LRRC37A2: variants seen among roughly 807,000 people sequenced by gnomAD.
LRRC37A2 encodes leucine-rich repeat-containing protein 37A2.
LRRC37A2 carries 9 observed loss-of-function variants against 68.8 expected under a neutral mutation model. The ratio of observed to expected loss-of-function variants is 0.13; its 90% CI spans 0.08 to 0.23. The LOEUF (loss-of-function observed/expected upper bound fraction) is 0.23. Among genes scored for constraint, LRRC37A2 ranks in the 10% least tolerant of loss-of-function variants. LRRC37A2 has a pLI of 1.00. For missense variants in LRRC37A2, 168 were observed against 950.4 expected (o/e 0.18, Z 10.82); for synonymous variants, 63 against 367.6 (o/e 0.17, Z 9.48).
At chr17:46,989,253 A>G in the LRRC37A2 span, among the ~76,000 whole-genome samples, 1 of 152,204 alleles carries the variant, frequency 6.6e-6, no homozygotes, top group Non-Finnish European at 1.5e-5. Flanking sequence ...ATAGAAACAT[A>G]TTCAGGTCAG....
chr17:46,490,444 C>G, the LRRC37A2 span, among the ~76,000 whole-genome samples: 1 of 151,026 alleles, frequency 6.6e-6, no homozygotes, highest in Non-Finnish European at 1.5e-5. Context: ...AAATTTTGGC[C>G]AGGCATGGTG....
chr17:46,782,579 C>T, the LRRC37A2 span, among the ~76,000 whole-genome samples: 1 of 152,242 alleles, frequency 6.6e-6, no homozygotes, highest in Non-Finnish European at 1.5e-5. Context: ...TCTACCTTTC[C>T]ACTTAGGTCA....
At chr17:46,824,701 C>T in the LRRC37A2 span, among the ~76,000 whole-genome samples, 19 of 152,372 alleles carry the variant, frequency 1.2e-4, no homozygotes, top group Admixed American at 8.5e-4. Context: ...CTCGAAAACA[C>T]TGTTGATGAT....
At chr17:46,892,775 A>T in the LRRC37A2 span, among the ~76,000 whole-genome samples, 1 of 152,178 alleles carries the variant, frequency 6.6e-6, no homozygotes, top group African/African-American at 2.4e-5. Flanking sequence ...TGGACAAAAA[A>T]AGGCATGGTC....
chr17:46,880,347 A>G, the LRRC37A2 span, among the ~76,000 whole-genome samples: 1 of 152,288 alleles, frequency 6.6e-6, no homozygotes, highest in Admixed American at 6.5e-5. Flanking sequence ...GTCTCAGGAC[A>G]CTTTAGAATA....
chr17:46,897,041 CT>C, the LRRC37A2 span, among the ~76,000 whole-genome samples: 3 of 152,186 alleles, frequency 2.0e-5, no homozygotes, highest in Non-Finnish European at 4.4e-5. Context: ...GGGTGTGCCC[CT>C]GGAGGAGGTC....
chr17:46,771,923 G>A, the LRRC37A2 span, among the ~76,000 whole-genome samples: 3 of 141,516 alleles, frequency 2.1e-5, no homozygotes, highest in South Asian at 2.2e-4. Context: ...GAAGCGCCTC[G>A]GGCCCGCCGC....
intron 11 of LRRC37A2, among the ~76,000 whole-genome samples, chr17:46,552,964 C>T (rs1226385637): frequency 5.7e-4 from 81 of 142,102 alleles, no homozygotes; most frequent in Non-Finnish European, 6.0e-4. Flanking sequence ...CTGAGGTGGG[C>T]GGATCACTGG....
chr17:46,784,309 C>T, the LRRC37A2 span, among the ~76,000 whole-genome samples: 3 of 152,114 alleles, frequency 2.0e-5, no homozygotes, highest in Non-Finnish European at 2.9e-5. Context: ...GGGAACAAGA[C>T]GAGGAAGTGC....
the LRRC37A2 span, among the ~76,000 whole-genome samples, chr17:47,010,179 A>G: frequency 1.3e-5 from 2 of 152,054 alleles, no homozygotes; most frequent in Non-Finnish European, 2.9e-5. Flanking sequence ...TCCAGACTCC[A>G]CTCCCTCTTC....
At chr17:46,901,319 G>A in the LRRC37A2 span, among the ~76,000 whole-genome samples, 3 of 152,054 alleles carry the variant, frequency 2.0e-5, no homozygotes, top group East Asian at 5.8e-4. Flanking sequence ...GCACCATCAT[G>A]CCCGGCTAAT....
the LRRC37A2 span, among the ~76,000 whole-genome samples, chr17:46,779,053 TCACACACA>T: frequency 6.3e-3 from 636 of 100,656 alleles, 3 homozygotes; most frequent in Middle Eastern, 0.021. Context: ...CCCTACCCCA[TCACACACA>T]CACACACACA....
the LRRC37A2 span, among the ~76,000 whole-genome samples, chr17:46,900,228 T>C: frequency 7.4e-6 from 1 of 135,662 alleles, no homozygotes; most frequent in African/African-American, 3.2e-5. Context: ...CACATATATA[T>C]ATATATACAC....
the LRRC37A2 span, among the ~76,000 whole-genome samples, chr17:46,999,567 C>G: frequency 6.6e-6 from 1 of 152,068 alleles, no homozygotes; most frequent in Admixed American, 6.5e-5. Flanking sequence ...CCAGGCTGGC[C>G]TTGAACTCCT....
chr17:46,979,331 T>G, the LRRC37A2 span: 2 of 198,246 alleles, frequency 1.0e-5, no homozygotes, highest in Non-Finnish European at 2.1e-5. Flanking sequence ...GCCCCGCCGG[T>G]CCCCGCGGCA....
At chr17:46,851,908 G>C in the LRRC37A2 span, among the ~76,000 whole-genome samples, 2 of 152,124 alleles carry the variant, frequency 1.3e-5, no homozygotes, top group Admixed American at 6.5e-5. The surrounding 1 kb of genome is among the most constrained non-coding windows in gnomAD (Gnocchi z 4.3). Context: ...AGCTTCCCCG[G>C]CTCCGAATCC....
At chr17:46,849,339 GTGCCC>G in the LRRC37A2 span, among the ~76,000 whole-genome samples, 2 of 152,204 alleles carry the variant, frequency 1.3e-5, no homozygotes, top group East Asian at 3.9e-4. Context: ...TTGGGAGAAT[GTGCCC>G]TGCCTTCTCC....
At chr17:46,947,205 A>G in the LRRC37A2 span, among the ~76,000 whole-genome samples, 22 of 152,304 alleles carry the variant, frequency 1.4e-4, no homozygotes, top group South Asian at 1.9e-3. Context: ...GACCCTGTGC[A>G]TGTCCTAGAT....
the LRRC37A2 span, chr17:46,872,817 C>A: frequency 1.6e-4 from 237 of 1,497,934 alleles, 3 homozygotes; most frequent in Non-Finnish European, 3.9e-5. Context: ...GGGGAAGAAG[C>A]CTTCAGGGAG....
Sources: gnomAD v4.1 joint callset for allele counts (sites outside exome capture counted in the v4.1 genomes callset) on GRCh38, gnomAD v4.1.1 for gene constraint, Gnocchi (gnomAD v3.1) non-coding constraint, MANE v1.5 for transcripts, NCBI Gene and HGNC (gene_info 2026-07-23, HGNC 2026-07-21) for gene names.